CPXM2: variants seen among roughly 807,000 people sequenced by gnomAD.
CPXM2 encodes inactive carboxypeptidase-like protein X2.
In CPXM2, 66 loss-of-function variants were observed where a neutral mutation model predicts 86.1. The ratio of observed to expected loss-of-function variants is 0.77; its 90% CI spans 0.63 to 0.94. The LOEUF is 0.94. Ranked by LOEUF, CPXM2 falls within the 40% of genes least tolerant of loss-of-function variation. The pLI is 0.00. For missense variants in CPXM2, 948 were observed against 1,026.3 expected (o/e 0.92, Z 1.04); for synonymous variants, 388 against 400.2 (o/e 0.97, Z 0.36).
chr10:123,828,239 G>C, intron 4 of CPXM2, among the ~76,000 whole-genome samples: 1 of 152,136 alleles, frequency 6.6e-6, no homozygotes, highest in East Asian at 1.9e-4. Flanking sequence ...CCAACCGATT[G>C]TTTACAAGTG....
chr10:123,827,936 G>A (rs560202999), intron 4 of CPXM2, among the ~76,000 whole-genome samples: 4 of 152,230 alleles, frequency 2.6e-5, no homozygotes, highest in African/African-American at 9.6e-5. Flanking sequence ...GGCCAAGGCA[G>A]GTGGATTACC....
intron 8 of CPXM2, among the ~76,000 whole-genome samples, chr10:123,769,028 G>C (rs1564759517): frequency 6.6e-6 from 1 of 152,170 alleles, no homozygotes; most frequent in South Asian, 2.1e-4. Flanking sequence ...TTCACAAGTT[G>C]AGCACAAGCC....
In CPXM2 at chr10:123,768,611, G is replaced by A. The variant is rs1415035157; in HGVS notation, c.1214C>T (p.Ala405Val). 4.3e-6 allele frequency: 7 copies of A among 1,613,800 alleles called. No individual in the cohort carries two copies. The highest frequency in any genetic ancestry group is 1.1e-5 in the South Asian group (1 of 91,086). The change falls in exon 9 of 14, where the codon GCG becomes GTG. Residue 405 changes from alanine (A) to valine (V), a missense_variant. Transcript: ENST00000241305. ...CTCCTCCACCAGGTGGACGATGCGC[G>A]CATTCCGGGCCAAGTACTCCTGACA... ...FVCQEYLARNARIVHLVEETR... is the reference protein window; with the variant it reads ...FVCQEYLARNVRIVHLVEETR...
chr10:123,865,195 A>G lies in CPXM2; in HGVS notation c.404-2472T>C, dbSNP rs969130274. On this transcript the variant is annotated intron_variant, in intron 2 of 13. Transcript: ENST00000241305. This position sits in a 1 kb window ranked among gnomAD's most constrained non-coding sequence, Gnocchi z 4.7. ...GCAAACGTAGTCTTACAGGAACCCAATGCTCTGACACTGGGATTTTTTGTC... is the reference window on the plus strand; with the variant it reads ...GCAAACGTAGTCTTACAGGAACCCAGTGCTCTGACACTGGGATTTTTTGTC... Among the ~76,000 whole-genome samples the G allele has an allele frequency of 2.0e-5, 3 of 152,194 alleles. No individual in the cohort carries two copies. Among genetic ancestry groups the G allele is most frequent in the African/African-American group, 7.2e-5 (3 of 41,442 alleles).
intron 2 of CPXM2, among the ~76,000 whole-genome samples, chr10:123,905,136 G>T (rs539604838): frequency 6.6e-6 from 1 of 152,304 alleles, no homozygotes; most frequent in South Asian, 2.1e-4. Flanking sequence ...ATGCTCTACC[G>T]CTGAGCTATA....
chr10:123,900,938 T>C (rs1219846546), intron 2 of CPXM2, among the ~76,000 whole-genome samples: 1 of 152,232 alleles, frequency 6.6e-6, no homozygotes, highest in Non-Finnish European at 1.5e-5. Flanking sequence ...TTTTATGGCA[T>C]TTCATTCTAG....
At position 123,745,648 on chromosome 10, in the gene CPXM2, ATTTGC is replaced by A. The variant is rs911688068; in HGVS notation, c.*1111_*1115del. ...TCACACACACCAGAAGGGTCTTACC[ATTTGC>A]TTTATTTTTTTTTTTCATTTTTCCC... On this transcript the variant is annotated 3_prime_UTR_variant, in exon 14 of 14. Coordinates refer to ENST00000241305, the MANE Select transcript of CPXM2 (RefSeq NM_198148.3). 3 of 150,680 alleles carry A rather than the reference ATTTGC, an allele frequency of 2.0e-5. No individual in the cohort carries two copies. Among genetic ancestry groups the A allele is most frequent in the Non-Finnish European group, 4.4e-5 (3 of 67,674 alleles). The allele number at this position is 150,680 out of a possible 1,614,324, so 9.3% of individuals were successfully genotyped here.
intron 4 of CPXM2, among the ~76,000 whole-genome samples, chr10:123,811,551 A>G (rs549672319): frequency 9.8e-5 from 15 of 152,364 alleles, no homozygotes; most frequent in Admixed American, 1.3e-4. Flanking sequence ...ATTTATATAT[A>G]AAACACAACC....
At chr10:123,843,950 G>T (rs1481579087) in intron 3 of CPXM2, among the ~76,000 whole-genome samples, 1 of 152,102 alleles carries the variant, frequency 6.6e-6, no homozygotes, top group Admixed American at 6.5e-5. Context: ...TCCTGGTTTT[G>T]CCAGCCTGAA....
In CPXM2 at chr10:123,832,912, A is replaced by C. The variant is rs553592450; in HGVS notation, c.653+9437T>G. 6.2e-4 allele frequency among the ~76,000 whole-genome samples: 94 copies of C among 151,622 alleles called. 1 individual carries two copies. Among genetic ancestry groups the C allele is most frequent in the Non-Finnish European group, 1.2e-3 (83 of 67,950 alleles). On this transcript the variant is annotated intron_variant, in intron 4 of 13. Coordinates refer to ENST00000241305, the MANE Select transcript of CPXM2 (RefSeq NM_198148.3). ...TCTTACAAAAGAGGGTGAAGCGAGCACCTGAGCGTCTTTTGCTTTTCCATC... is the reference window on the plus strand; with the variant it reads ...TCTTACAAAAGAGGGTGAAGCGAGCCCCTGAGCGTCTTTTGCTTTTCCATC...
chr10:123,847,070 C>T lies in CPXM2; in HGVS notation c.514-4582G>A, dbSNP rs1441587481. 1.2e-4 allele frequency among the ~76,000 whole-genome samples: 19 copies of T among 152,038 alleles called. 1 individual carries two copies. Among genetic ancestry groups the T allele is most frequent in the Non-Finnish European group, 2.8e-4 (19 of 68,004 alleles). ...GTCATAATAATGAAAACCTTAGATACAGATTTACCCAAAAATTGAGCTACA... is the reference window on the plus strand; with the variant it reads ...GTCATAATAATGAAAACCTTAGATATAGATTTACCCAAAAATTGAGCTACA... On this transcript the variant is annotated intron_variant, in intron 3 of 13. Coordinates refer to ENST00000241305, the MANE Select transcript of CPXM2 (RefSeq NM_198148.3).
At chr10:123,877,485 C>G (rs1945006445) in intron 2 of CPXM2, among the ~76,000 whole-genome samples, 1 of 152,186 alleles carries the variant, frequency 6.6e-6, no homozygotes, top group Admixed American at 6.5e-5. Context: ...CCACTTATTG[C>G]TCAGCCTCCT....
intron 2 of CPXM2, among the ~76,000 whole-genome samples, chr10:123,921,159 T>C (rs1474324744): frequency 6.6e-6 from 1 of 152,236 alleles, no homozygotes; most frequent in African/African-American, 2.4e-5. Flanking sequence ...GAGCATATTC[T>C]TGAAGATTTC....
intron 2 of CPXM2, among the ~76,000 whole-genome samples, chr10:123,915,047 C>T (rs7089202): frequency 0.34 from 51,250 of 152,104 alleles, 9,255 homozygotes; most frequent in Middle Eastern, 0.55. Flanking sequence ...CTGGTCCCCT[C>T]CCCTCCCGCG....
At chr10:123,817,686 C>T (rs1450642119) in intron 4 of CPXM2, among the ~76,000 whole-genome samples, 4 of 152,216 alleles carry the variant, frequency 2.6e-5, no homozygotes, top group African/African-American at 9.7e-5. Context: ...GTCTCCACTC[C>T]TGCCACCCTG....
At chr10:123,839,983 G>A (rs1017893348) in intron 4 of CPXM2, among the ~76,000 whole-genome samples, 9 of 152,192 alleles carry the variant, frequency 5.9e-5, no homozygotes, top group African/African-American at 1.4e-4. Flanking sequence ...CTGTTCCACT[G>A]CAATTCCTTG....
chr10:123,939,364 C>T (rs553642898), intron 2 of CPXM2: 3 of 152,180 alleles, frequency 2.0e-5, no homozygotes, highest in Admixed American at 6.5e-5. Context: ...TCTTGCCATC[C>T]TGGTGGGTTT....
At chr10:123,840,489 T>C (rs926149854) in intron 4 of CPXM2, among the ~76,000 whole-genome samples, 1 of 152,214 alleles carries the variant, frequency 6.6e-6, no homozygotes, top group South Asian at 2.1e-4. Context: ...CACAATATGA[T>C]ATATGATAAT....
At chr10:123,783,922 A>AGC (rs1440218920) in intron 6 of CPXM2, among the ~76,000 whole-genome samples, 1 of 152,320 alleles carries the variant, frequency 6.6e-6, no homozygotes, top group African/African-American at 2.4e-5. Flanking sequence ...CTCCAGAAGT[A>AGC]GCGCCTGAAA....
Sources: allele counts gnomAD v4.1 joint callset (sites outside exome capture counted in the v4.1 genomes callset), GRCh38; gene constraint gnomAD v4.1.1; non-coding constraint Gnocchi (gnomAD v3.1); transcripts MANE v1.5; gene names NCBI Gene and HGNC (gene_info 2026-07-23, HGNC 2026-07-21).